Variants in SNX27 observed in about 807,000 individuals in gnomAD.
SNX27 encodes the protein sorting nexin 27.
Under a neutral mutation model 71.6 loss-of-function variants are expected in SNX27, and 22 were observed. The ratio of observed to expected loss-of-function variants is 0.31; its 90% confidence interval spans 0.22 to 0.44. The LOEUF (loss-of-function observed/expected upper bound fraction) is 0.44, where lower values mean the gene tolerates loss of function less well. Ranked by LOEUF, SNX27 falls within the 20% of genes least tolerant of loss-of-function variation. The probability of loss-of-function intolerance (pLI) is 1.00; values close to 1 mark genes in which losing one functional copy is unlikely to be tolerated. For synonymous variants in SNX27, 269 were observed against 277.2 expected (o/e 0.97, Z 0.29); for missense variants, 531 against 698.6 (o/e 0.76, Z 2.70).
At chr1:151,630,768 T>C (rs1378821034) in intron 1 of SNX27, among the ~76,000 whole-genome samples, 1 of 152,208 alleles carries the variant, frequency 6.6e-6, no homozygotes, top group East Asian at 1.9e-4. Flanking sequence ...GCACGGTGGC[T>C]CACGCCTGTA....
At position 151,638,890 on chromosome 1, in the gene SNX27, A is replaced by G; in HGVS notation, c.314A>G (p.Asn105Ser). Residue 105 changes from asparagine (N) to serine (S), a missense_variant and splice_region_variant, in exon 2 of 12, where the codon AAC becomes AGC. Physicochemically the swap from Asn to Ser is conservative, Grantham distance 46. Transcript: ENST00000458013. ...TCTTTTTCCCTTTTTCCCCTTAGGA[A>G]CCACGTGAATGTTGAGGGGGCGACA... ...VRKGDRILEV[N>S]HVNVEGATHK... 6.2e-7 allele frequency: 1 copy of G among 1,614,094 alleles called. No individual in the cohort carries two copies. Among genetic ancestry groups the G allele is most frequent in the Non-Finnish European group, 8.5e-7 (1 of 1,179,996 alleles).
chr1:151,624,287 T>C (rs535555913), intron 1 of SNX27, among the ~76,000 whole-genome samples: 5 of 152,040 alleles, frequency 3.3e-5, no homozygotes, highest in Admixed American at 6.6e-5. Flanking sequence ...AACTAGAATT[T>C]TGTATTCTAC....
intron 1 of SNX27, among the ~76,000 whole-genome samples, chr1:151,634,283 CTTT>C (rs1206514048): frequency 6.6e-6 from 1 of 152,086 alleles, no homozygotes; most frequent in East Asian, 1.9e-4. Flanking sequence ...AGACTAATTA[CTTT>C]TTTATTACTT....
intron 8 of SNX27, among the ~76,000 whole-genome samples, chr1:151,690,150 T>C (rs1446348163): frequency 6.6e-6 from 1 of 152,136 alleles, no homozygotes; most frequent in East Asian, 1.9e-4. Context: ...CACCCAGCTG[T>C]ATAAATTTTT....
Position 151,640,400 on chromosome 1 carries a change from C to T in SNX27, c.543+1281C>T, listed in dbSNP as rs77358326. ...TTTTTATTATATATATTTTTTAAGA[C>T]GAAGTCTCACTCTGTCCCCCAGCCT... On this transcript the variant is annotated intron_variant, in intron 2 of 11. Transcript: ENST00000458013. Among the ~76,000 whole-genome samples the T allele has an allele frequency of 3.5e-4, 54 of 152,206 alleles. 1 individual carries two copies. In the East Asian group the frequency reaches 8.5e-3, roughly 24 times the overall value.
At position 151,662,252 on chromosome 1, in the gene SNX27, T is replaced by G; in HGVS notation, c.888T>G (p.Thr296=). The G allele has an allele frequency of 6.2e-7, 1 of 1,610,444 alleles. No homozygotes were observed. Among genetic ancestry groups the G allele is most frequent in the South Asian group, 1.1e-5 (1 of 90,956 alleles). ...TVTVRVKKNS[T]TDQVYQAIAA... Reference sequence around the variant, plus strand: ...CAGTCAGGGTTAAAAAGAACAGTACTACAGACCAAGTATATCAGGTAAATT... The same window carrying G: ...CAGTCAGGGTTAAAAAGAACAGTACGACAGACCAAGTATATCAGGTAAATT... The change falls in exon 5 of 12, where the codon ACT becomes ACG. Residue 296 remains threonine (T), a synonymous_variant. Coordinates refer to ENST00000458013, the MANE Select transcript of SNX27 (RefSeq NM_001330723.2).
At chr1:151,636,805 A>C (rs1025061910) in intron 1 of SNX27, among the ~76,000 whole-genome samples, 3 of 152,094 alleles carry the variant, frequency 2.0e-5, no homozygotes, top group Admixed American at 2.0e-4. Context: ...CAGAACTAGT[A>C]AGGCCAAATA....
chr1:151,620,650 C>T (rs1049451988), intron 1 of SNX27, among the ~76,000 whole-genome samples: 1 of 150,144 alleles, frequency 6.7e-6, no homozygotes, highest in Non-Finnish European at 1.5e-5. Context: ...CTGTTGTGTT[C>T]TAGCTCTACT....
In SNX27 at chr1:151,612,299, A is replaced by G. The variant is rs906886634; in HGVS notation, c.98A>G (p.Asn33Ser). Residue 33 changes from asparagine (N) to serine (S), a missense_variant, in exon 1 of 12, where the codon AAC (asparagine) becomes AGC (serine). Asn to Ser is a conservative substitution (Grantham distance 46, BLOSUM62 1). This residue lies in a region of SNX27 where 130 missense variants were observed against 143.5 expected (regional missense o/e 0.91). Transcript: ENST00000458013. This position sits in a 1 kb window ranked among gnomAD's most constrained non-coding sequence, Gnocchi z 5.2. ...GGGTCTGGGCTCCACTGCGCCGGGA[A>G]CGGCGGCGGGGGAGGCGGCGGCCCG... ...GGGSGLHCAG[N>S]GGGGGGGPRV... 2 of 1,517,132 alleles carry G rather than the reference A, an allele frequency of 1.3e-6. No individual in the cohort carries two copies. The highest frequency in any genetic ancestry group is 1.8e-6 in the Non-Finnish European group (2 of 1,135,706). 94.0% of individuals were successfully genotyped at this position (1,517,132 alleles called of 1,614,324 possible).
rs1668603604 is a variant in SNX27 at position 151,639,030 on chromosome 1, C to A, written c.454C>A (p.Gln152Lys). The A allele has an allele frequency of 6.2e-7, 1 of 1,614,048 alleles. No homozygotes were observed. Among genetic ancestry groups the A allele is most frequent in the Non-Finnish European group, 8.5e-7 (1 of 1,180,046 alleles). Residue 152 changes from glutamine to lysine, a missense_variant, in exon 2 of 12, where the codon CAA becomes AAA. Around this residue, in one of 5 missense-constraint regions of SNX27, gnomAD observed 47 missense variants for 41.4 expected, o/e 1.13. Coordinates refer to ENST00000458013, the MANE Select transcript of SNX27 (RefSeq NM_001330723.2). Reference protein sequence around the residue: ...NLDPSDDSLGQSFYDYTEKQA... With the variant: ...NLDPSDDSLGKSFYDYTEKQA... ...AGATCCCAGTGACGACTCGTTGGGACAATCATTTTATGATTACACAGAAAA... is the reference window on the plus strand; with the variant it reads ...AGATCCCAGTGACGACTCGTTGGGAAAATCATTTTATGATTACACAGAAAA...
intron 2 of SNX27, among the ~76,000 whole-genome samples, chr1:151,652,224 GGGAGAGGGAGAGGGAGAGGGAGAC>G (rs1201411547): frequency 4.3e-5 from 5 of 116,572 alleles, no homozygotes; most frequent in South Asian, 5.4e-4. Flanking sequence ...GAGAGGGAGA[GGGAGAGGGAGAGGGAGAGGGAGAC>G]GGAGAGGGAG....
intron 8 of SNX27, among the ~76,000 whole-genome samples, chr1:151,690,534 T>G (rs889650802): frequency 6.6e-6 from 1 of 152,160 alleles, no homozygotes; most frequent in Non-Finnish European, 1.5e-5. Flanking sequence ...CATCATAGCC[T>G]TGACCTCCTG....
Position 151,694,422 on chromosome 1 carries a change from T to G in SNX27, c.*5T>G. 6.4e-7 allele frequency: 1 copy of G among 1,550,404 alleles called. No homozygotes were observed. On this transcript the variant is annotated 3_prime_UTR_variant, in exon 12 of 12. Transcript: ENST00000458013. Reference sequence around the variant, plus strand: ...CAGAGAGATGTGGCCACCTAGCCTTTCCTTATCCCCTTCCCTTCCCTTCAC... The same window carrying G: ...CAGAGAGATGTGGCCACCTAGCCTTGCCTTATCCCCTTCCCTTCCCTTCAC...
At chr1:151,658,759 A>G (rs554489499) in intron 3 of SNX27, among the ~76,000 whole-genome samples, 278 of 152,172 alleles carry the variant, frequency 1.8e-3, no homozygotes, top group Non-Finnish European at 2.7e-3. Flanking sequence ...TCTCAGCTCA[A>G]CTGCATCCTC....
chr1:151,655,640 C>T (rs1669649167), intron 2 of SNX27, among the ~76,000 whole-genome samples: 1 of 152,144 alleles, frequency 6.6e-6, no homozygotes, highest in Admixed American at 6.5e-5. Flanking sequence ...TTGTTTGCTT[C>T]CCTTTTCTCA....
intron 7 of SNX27, among the ~76,000 whole-genome samples, chr1:151,674,120 TTTCC>T (rs1171863141): frequency 6.6e-6 from 1 of 152,172 alleles, no homozygotes; most frequent in Non-Finnish European, 1.5e-5. Flanking sequence ...CTTTTCCTTC[TTTCC>T]TTCCTTCCTG....
Position 151,694,457 on chromosome 1 carries a change from C to G in SNX27, c.*40C>G. 1.3e-6 allele frequency: 2 copies of G among 1,533,676 alleles called. No individual in the cohort carries two copies. Among genetic ancestry groups the G allele is most frequent in the Non-Finnish European group, 8.8e-7 (1 of 1,134,634 alleles). Reference sequence around the variant, plus strand: ...CTTCCCTTCCCTTCACCCCCATCCTCTTACTCCTTTCATGTCCCATTTCAG... The same window carrying G: ...CTTCCCTTCCCTTCACCCCCATCCTGTTACTCCTTTCATGTCCCATTTCAG... On this transcript the variant is annotated 3_prime_UTR_variant, in exon 12 of 12. Transcript: ENST00000458013.
At chr1:151,648,004 C>A (rs923943156) in intron 2 of SNX27, among the ~76,000 whole-genome samples, 9 of 150,372 alleles carry the variant, frequency 6.0e-5, no homozygotes, top group East Asian at 1.9e-4. Flanking sequence ...AAAAAAAAAA[C>A]AACAAAAAAA....
chr1:151,689,377 A>C (rs1421159381), intron 8 of SNX27, among the ~76,000 whole-genome samples: 1 of 152,160 alleles, frequency 6.6e-6, no homozygotes, highest in South Asian at 2.1e-4. Flanking sequence ...AATGTCTTTT[A>C]TTTCCAGATG....
Sources: allele counts gnomAD v4.1 joint callset (sites outside exome capture counted in the v4.1 genomes callset), GRCh38; gene constraint gnomAD v4.1.1; regional missense constraint gnomAD v4.1.1; non-coding constraint Gnocchi (gnomAD v3.1); transcripts MANE v1.5; gene names NCBI Gene and HGNC (gene_info 2026-07-23, HGNC 2026-07-21).